SHROOM3: variants seen among roughly 807,000 people sequenced by gnomAD.
SHROOM3 encodes protein Shroom3.
SHROOM3 carries 47 observed loss-of-function variants against 138.6 expected under a neutral mutation model. The ratio of observed to expected loss-of-function variants is 0.34; its 90% confidence interval spans 0.27 to 0.43. The LOEUF is 0.43. Ranked by LOEUF, SHROOM3 falls within the 20% of genes least tolerant of loss-of-function variation. The pLI, the probability that SHROOM3 is intolerant of heterozygous loss-of-function variation, is 1.00. For synonymous variants in SHROOM3, 1,062 were observed against 1,063.3 expected (o/e 1.00, Z 0.02); for missense variants, 2,491 against 2,596.5 (o/e 0.96, Z 0.88).
rs1452185122 is a variant in SHROOM3, at chr4:76,646,216, T to TAATAAATA, written c.324-63935_324-63928dup. Among the ~76,000 whole-genome samples the TAATAAATA allele has an allele frequency of 3.8e-3, 395 of 104,920 alleles. 21 individuals are homozygous for TAATAAATA. Among genetic ancestry groups the TAATAAATA allele is most frequent in the East Asian group, 8.4e-3 (22 of 2,604 alleles). 68.8% of individuals were successfully genotyped at this position (104,920 alleles called of 152,430 possible). A position where few individuals can be genotyped will look rare whatever the true frequency, so the allele number is the denominator to read the frequency against. The stretch of plus-strand genomic sequence containing the variant: ...CACATGTACCCTAGAACTTAAAGTA[T>TAATAAATA]AATAAATAAATATATATATATATAT... On this transcript the variant is annotated intron_variant, in intron 2 of 10. Coordinates refer to ENST00000296043, the MANE Select transcript of SHROOM3 (RefSeq NM_020859.4).
At chr4:76,492,584 C>T (rs916142551) in intron 1 of SHROOM3, among the ~76,000 whole-genome samples, 1 of 152,140 alleles carries the variant, frequency 6.6e-6, no homozygotes, top group Non-Finnish European at 1.5e-5. Flanking sequence ...GATAAATTCT[C>T]ATGATAAGGA....
In SHROOM3 at chr4:76,436,202, A is replaced by ACC; in HGVS notation, c.151_152dup (p.Leu52HisfsTer2). Reference sequence around the variant, plus strand: ...TAAAGGGTGGCCTGGAGCACGGAGAACCATTAATCATCTCTAAGGTATGTT... The same window carrying ACC: ...TAAAGGGTGGCCTGGAGCACGGAGAACCCCATTAATCATCTCTAAGGTATGTT... On this transcript the variant is annotated frameshift_variant, in exon 1 of 11. Transcript: ENST00000296043. LOFTEE classifies it high-confidence loss of function. The ACC allele has an allele frequency of 6.2e-7, 1 of 1,614,004 alleles. No individual in the cohort carries two copies. The highest frequency in any genetic ancestry group is 2.2e-5 in the East Asian group (1 of 44,878).
chr4:76,637,188 A>G (rs1165038954), intron 2 of SHROOM3, among the ~76,000 whole-genome samples: 2 of 152,176 alleles, frequency 1.3e-5, no homozygotes, highest in Non-Finnish European at 2.9e-5. Flanking sequence ...TATGATATAT[A>G]CTCCTATTTA....
intron 2 of SHROOM3, among the ~76,000 whole-genome samples, chr4:76,702,110 A>C (rs1404063165): frequency 6.6e-6 from 1 of 152,216 alleles, no homozygotes; most frequent in Non-Finnish European, 1.5e-5. Flanking sequence ...ATGAATAACA[A>C]AAGAGTGATG....
intron 10 of SHROOM3, among the ~76,000 whole-genome samples, chr4:76,776,343 T>C (rs1722568449): frequency 6.6e-6 from 1 of 152,240 alleles, no homozygotes; most frequent in South Asian, 2.1e-4. Context: ...ATTCTGGATA[T>C]TAGTTCTTTG....
chr4:76,553,488 C>A (rs1333525766), intron 1 of SHROOM3, among the ~76,000 whole-genome samples: 1 of 151,972 alleles, frequency 6.6e-6, no homozygotes, highest in Non-Finnish European at 1.5e-5. Flanking sequence ...GTTGGCCAGG[C>A]TGGTCTCGAA....
chr4:76,462,990 A>C (rs1731173296), intron 1 of SHROOM3, among the ~76,000 whole-genome samples: 1 of 152,246 alleles, frequency 6.6e-6, no homozygotes, highest in African/African-American at 2.4e-5. Flanking sequence ...GGGCATTGCT[A>C]TAAAGATGCC....
chr4:76,473,127 A>T (rs193071370), intron 1 of SHROOM3, among the ~76,000 whole-genome samples: 1 of 152,390 alleles, frequency 6.6e-6, no homozygotes, highest in Admixed American at 6.5e-5. Flanking sequence ...ATTTATCAGT[A>T]AGAAAAAAAG....
At chr4:76,688,852 C>T in intron 2 of SHROOM3, 1 of 985,144 alleles carries the variant, frequency 1.0e-6, no homozygotes, top group Non-Finnish European at 1.2e-6. Context: ...AAAACAGGCC[C>T]GGAAGGAAGG....
intron 3 of SHROOM3, among the ~76,000 whole-genome samples, chr4:76,721,668 GC>G (rs1407204264): frequency 6.6e-6 from 1 of 152,226 alleles, no homozygotes; most frequent in African/African-American, 2.4e-5. Context: ...GAGCCACCAT[GC>G]CCAGCTGAAT....
intron 1 of SHROOM3, among the ~76,000 whole-genome samples, chr4:76,439,831 A>G (rs1194834786): frequency 6.6e-6 from 1 of 152,220 alleles, no homozygotes; most frequent in Non-Finnish European, 1.5e-5. Context: ...AGGATCTACA[A>G]AGGGTAACAA....
At chr4:76,513,011 G>A (rs758209223) in intron 1 of SHROOM3, among the ~76,000 whole-genome samples, 5 of 152,136 alleles carry the variant, frequency 3.3e-5, no homozygotes, top group African/African-American at 4.8e-5. Context: ...TGCTTGCACC[G>A]TGCCATCTCA....
intron 2 of SHROOM3, among the ~76,000 whole-genome samples, chr4:76,705,053 G>C (rs1262710286): frequency 6.6e-6 from 1 of 152,198 alleles, no homozygotes; most frequent in African/African-American, 2.4e-5. Context: ...TTTTACTCCA[G>C]TTTCCCCAGC....
Position 76,508,105 on chromosome 4 carries a change from T to C in SHROOM3, c.169-47504T>C, listed in dbSNP as rs1257252042. Reference sequence around the variant, plus strand: ...TTTTTTTCTTTTATTACTTGTGCTTTTGTAATCGTATTCGAGAAACCATTG... The same window carrying C: ...TTTTTTTCTTTTATTACTTGTGCTTCTGTAATCGTATTCGAGAAACCATTG... On this transcript the variant is annotated intron_variant, in intron 1 of 10. Coordinates refer to ENST00000296043, the MANE Select transcript of SHROOM3 (RefSeq NM_020859.4). Among the ~76,000 whole-genome samples the C allele has an allele frequency of 2.6e-5, 4 of 152,238 alleles. No individual in the cohort carries two copies. In the East Asian group the frequency reaches 7.7e-4, roughly 29 times the overall value.
intron 1 of SHROOM3, among the ~76,000 whole-genome samples, chr4:76,484,087 A>T (rs28646100): frequency 6.6e-6 from 1 of 152,110 alleles, no homozygotes; most frequent in Admixed American, 6.5e-5. Flanking sequence ...GAACATGTAC[A>T]TCTATATAAC....
At chr4:76,578,991 CCT>C (rs1477895655) in intron 2 of SHROOM3, among the ~76,000 whole-genome samples, 2 of 151,748 alleles carry the variant, frequency 1.3e-5, no homozygotes, top group Non-Finnish European at 2.9e-5. Flanking sequence ...ATAATGAGAC[CCT>C]GACTTTACAA....
At chr4:76,632,170 C>T (rs1481152463) in intron 2 of SHROOM3, among the ~76,000 whole-genome samples, 3 of 151,942 alleles carry the variant, frequency 2.0e-5, no homozygotes, top group East Asian at 1.9e-4. Context: ...ATCTGACATC[C>T]GGGCAGGTAA....
chr4:76,529,682 C>T (rs1269877024), intron 1 of SHROOM3, among the ~76,000 whole-genome samples: 3 of 152,118 alleles, frequency 2.0e-5, no homozygotes, highest in Admixed American at 2.0e-4. Flanking sequence ...GATCCCCAAA[C>T]CCATCTGAGG....
intron 2 of SHROOM3, among the ~76,000 whole-genome samples, chr4:76,629,376 T>C (rs1467185640): frequency 6.6e-6 from 1 of 152,098 alleles, no homozygotes; most frequent in Non-Finnish European, 1.5e-5. Context: ...GTAACGGGTA[T>C]GTGGGGAGGA....
Sources: allele counts gnomAD v4.1 joint callset (sites outside exome capture counted in the v4.1 genomes callset), GRCh38; gene constraint gnomAD v4.1.1; transcripts MANE v1.5; gene names NCBI Gene and HGNC (gene_info 2026-07-23, HGNC 2026-07-21).